Variants in ZSCAN5A observed in about 807,000 individuals in gnomAD.
ZSCAN5A encodes the protein zinc finger and SCAN domain-containing protein 5A.
ZSCAN5A carries 12 observed loss-of-function variants against 23.7 expected under a neutral mutation model. That is an observed-to-expected ratio of 0.51 (90% confidence interval 0.32 to 0.82). The LOEUF is 0.82. Among genes scored for constraint, ZSCAN5A ranks in the 40% least tolerant of loss-of-function variants. The pLI, the probability that ZSCAN5A is intolerant of heterozygous loss-of-function variation, is 0.03. For synonymous variants in ZSCAN5A, 257 were observed against 239.9 expected, an observed-to-expected ratio of 1.07 and a Z score of -0.66; for missense variants, 597 against 617.9, an observed-to-expected ratio of 0.97 and a Z score of 0.36.
intron 2 of ZSCAN5A, among the ~76,000 whole-genome samples, chr19:56,307,954 T>C (rs2040803850): frequency 6.6e-6 from 1 of 152,250 alleles, no homozygotes; most frequent in Non-Finnish European, 1.5e-5. Flanking sequence ...CCAAGGGTTC[T>C]CAGGCTCCAA....
intron 2 of ZSCAN5A, chr19:56,320,592 A>G (rs1207544519): frequency 1.7e-6 from 1 of 577,182 alleles, no homozygotes; most frequent in Non-Finnish European, 3.2e-6. Context: ...AGCCTGGGTG[A>G]CAAGAGCGAA....
chr19:56,230,523 T>G (rs1259439940), intron 2 of ZSCAN5A, among the ~76,000 whole-genome samples: 2 of 152,318 alleles, frequency 1.3e-5, no homozygotes, highest in East Asian at 1.9e-4. Flanking sequence ...TTATTAGTTA[T>G]TTAACTCTTG....
chr19:56,243,467 G>A (rs1600070836), intron 2 of ZSCAN5A, among the ~76,000 whole-genome samples: 1 of 152,184 alleles, frequency 6.6e-6, no homozygotes, highest in African/African-American at 2.4e-5. Context: ...GCAAACAAAT[G>A]TCCTGGGGTT....
chr19:56,296,556 C>T (rs1477439153), intron 2 of ZSCAN5A: 1 of 151,924 alleles, frequency 6.6e-6, no homozygotes, highest in Non-Finnish European at 1.5e-5. Context: ...CTCTCCTGTA[C>T]CAAATGTTAT....
intron 2 of ZSCAN5A, among the ~76,000 whole-genome samples, chr19:56,275,220 C>G (rs898941373): frequency 7.2e-5 from 11 of 152,122 alleles, no homozygotes; most frequent in Admixed American, 3.3e-4. Flanking sequence ...ATGCGAATAC[C>G]CTGTTCTCCT....
chr19:56,264,670 T>G (rs1188486426), intron 2 of ZSCAN5A, among the ~76,000 whole-genome samples: 2 of 152,256 alleles, frequency 1.3e-5, no homozygotes, highest in Non-Finnish European at 2.9e-5. Flanking sequence ...CCCTTGCTTA[T>G]GTATTGTCTC....
chr19:56,246,384 A>G (rs757550194), intron 2 of ZSCAN5A: 10 of 553,800 alleles, frequency 1.8e-5, no homozygotes, highest in Non-Finnish European at 2.6e-5. Flanking sequence ...GACCCAAGCC[A>G]ACCTTGGAGA....
chr19:56,272,204 A>G (rs945015199), intron 2 of ZSCAN5A, among the ~76,000 whole-genome samples: 1 of 152,244 alleles, frequency 6.6e-6, no homozygotes, highest in African/African-American at 2.4e-5. Flanking sequence ...ACTTCTGAGT[A>G]GAAATACGAT....
intron 2 of ZSCAN5A, chr19:56,341,121 G>T (rs2041589058): frequency 6.6e-6 from 1 of 152,156 alleles, no homozygotes; most frequent in Non-Finnish European, 1.5e-5. Context: ...TCATACACAA[G>T]TATCAATAGC....
chr19:56,328,211 T>C (rs921266846), intron 2 of ZSCAN5A, among the ~76,000 whole-genome samples: 1 of 152,186 alleles, frequency 6.6e-6, no homozygotes, highest in Non-Finnish European at 1.5e-5. Flanking sequence ...CTGACATGTA[T>C]GTTGCAAGTT....
At chr19:56,245,872 G>C (rs2035848434) in intron 2 of ZSCAN5A, among the ~76,000 whole-genome samples, 1 of 152,166 alleles carries the variant, frequency 6.6e-6, no homozygotes, top group Admixed American at 6.5e-5. Context: ...TGTCATTGTA[G>C]GGGGTGGTGG....
intron 2 of ZSCAN5A, among the ~76,000 whole-genome samples, chr19:56,340,049 A>G (rs571845648): frequency 6.6e-6 from 1 of 152,096 alleles, no homozygotes; most frequent in East Asian, 1.9e-4. Context: ...CAAACCCAAA[A>G]TGGACAGAGA....
intron 2 of ZSCAN5A, among the ~76,000 whole-genome samples, chr19:56,325,946 T>C (rs1568752880): frequency 1.3e-5 from 2 of 152,052 alleles, no homozygotes; most frequent in Admixed American, 1.3e-4. Context: ...GTGGTTTTTT[T>C]TTTTGAGATG....
intron 2 of ZSCAN5A, chr19:56,342,837 C>T: frequency 2.3e-6 from 2 of 873,890 alleles, no homozygotes; most frequent in South Asian, 1.3e-5. Flanking sequence ...ATCTTCCTCT[C>T]AAAAGCACCC....
At chr19:56,330,820 T>A (rs948314773) in intron 2 of ZSCAN5A, among the ~76,000 whole-genome samples, 2 of 150,712 alleles carry the variant, frequency 1.3e-5, no homozygotes, top group East Asian at 3.9e-4. Flanking sequence ...TGTAATTAGA[T>A]CCAATTTGTC....
At chr19:56,353,760 T>A (rs1186112127) in intron 2 of ZSCAN5A, among the ~76,000 whole-genome samples, 1 of 151,904 alleles carries the variant, frequency 6.6e-6, no homozygotes. Context: ...CCAGCCTGGG[T>A]GACAGAGCGA....
At chr19:56,271,742 A>G (rs1441129401) in intron 2 of ZSCAN5A, among the ~76,000 whole-genome samples, 1 of 152,166 alleles carries the variant, frequency 6.6e-6, no homozygotes, top group African/African-American at 2.4e-5. Context: ...CCAGGACACT[A>G]CACACAACCC....
chr19:56,321,099 A>T (rs2041370750), intron 2 of ZSCAN5A: 1 of 693,784 alleles, frequency 1.4e-6, no homozygotes, highest in Non-Finnish European at 2.7e-6. Context: ...TGGGATCTGT[A>T]ACAAGGGGAC....
intron 2 of ZSCAN5A, among the ~76,000 whole-genome samples, chr19:56,276,475 G>T (rs1441170626): frequency 6.8e-6 from 1 of 147,672 alleles, no homozygotes; most frequent in Non-Finnish European, 1.5e-5. Flanking sequence ...CACTGAACAC[G>T]CGAAAAAAAT....
Sources: allele counts gnomAD v4.1 joint callset (sites outside exome capture counted in the v4.1 genomes callset), GRCh38; gene constraint gnomAD v4.1.1; transcripts MANE v1.5; gene names NCBI Gene and HGNC (gene_info 2026-07-23, HGNC 2026-07-21).